ITPR2: variants seen among roughly 807,000 people sequenced by gnomAD.
ITPR2 encodes the protein inositol 1,4,5-trisphosphate-gated calcium channel ITPR2.
ITPR2 carries 207 observed loss-of-function variants against 317.1 expected under a neutral mutation model. The ratio of observed to expected loss-of-function variants is 0.65; its 90% CI spans 0.58 to 0.73. The LOEUF (loss-of-function observed/expected upper bound fraction) is 0.73. Ranked by LOEUF, ITPR2 falls within the 30% of genes least tolerant of loss-of-function variation. The pLI is 0.00. For synonymous variants in ITPR2, 1,156 were observed against 1,149.1 expected (o/e 1.01, Z -0.12); for missense variants, 2,613 against 3,284.0 (o/e 0.80, Z 4.99).
At chr12:26,767,084 C>G (rs1949733988) in intron 2 of ITPR2, among the ~76,000 whole-genome samples, 1 of 152,152 alleles carries the variant, frequency 6.6e-6, no homozygotes, top group Admixed American at 6.5e-5. Flanking sequence ...GTCATTCCTT[C>G]TTTCCTTTGT....
At chr12:26,553,435 T>C (rs1400659078) in intron 36 of ITPR2, among the ~76,000 whole-genome samples, 1 of 152,204 alleles carries the variant, frequency 6.6e-6, no homozygotes, top group African/African-American at 2.4e-5. Context: ...ACTTAGGGCT[T>C]GGCCCTAAAT....
chr12:26,615,550 A>G (rs1463052076), intron 26 of ITPR2, among the ~76,000 whole-genome samples: 1 of 152,212 alleles, frequency 6.6e-6, no homozygotes, highest in Non-Finnish European at 1.5e-5. Context: ...AATAAAGTTT[A>G]ACATGAACTT....
At chr12:26,805,078 T>G (rs1375568852) in intron 1 of ITPR2, among the ~76,000 whole-genome samples, 5 of 152,152 alleles carry the variant, frequency 3.3e-5, no homozygotes, top group Non-Finnish European at 5.9e-5. Flanking sequence ...ACAGTGATCA[T>G]GACCACAAAT....
chr12:26,605,146 A>G (rs1237927926), intron 26 of ITPR2, among the ~76,000 whole-genome samples: 2 of 141,400 alleles, frequency 1.4e-5, no homozygotes, highest in Non-Finnish European at 3.1e-5. Flanking sequence ...TATATATGAG[A>G]AAGTGTTAAA....
chr12:26,656,227 A>G lies in ITPR2; in HGVS notation c.2444+70T>C, dbSNP rs539336149. On this transcript the variant is annotated intron_variant, in intron 19 of 56. Transcript: ENST00000381340. ...ATGCCTTTCCACATGTTTCATTTCAAAACTGTAGACATTTGACGTGGAGTT... is the reference window on the plus strand; with the variant it reads ...ATGCCTTTCCACATGTTTCATTTCAGAACTGTAGACATTTGACGTGGAGTT... 6 of 1,567,968 alleles carry G rather than the reference A, an allele frequency of 3.8e-6. 1 individual carries two copies. The Admixed American group carries it at 1.1e-4, about 28-fold the overall frequency.
chr12:26,683,687 T>G (rs1047397716), intron 11 of ITPR2, among the ~76,000 whole-genome samples: 2 of 152,210 alleles, frequency 1.3e-5, no homozygotes, highest in Non-Finnish European at 2.9e-5. Flanking sequence ...CTAGGAACAA[T>G]GGTTCAGTAT....
chr12:26,650,438 A>C (rs1319374940), intron 21 of ITPR2, among the ~76,000 whole-genome samples: 1 of 152,174 alleles, frequency 6.6e-6, no homozygotes, highest in Non-Finnish European at 1.5e-5. Context: ...AATGTCAACG[A>C]TGAACTTTGG....
At chr12:26,594,415 T>C (rs1189856216) in intron 32 of ITPR2, among the ~76,000 whole-genome samples, 1 of 151,518 alleles carries the variant, frequency 6.6e-6, no homozygotes, top group Non-Finnish European at 1.5e-5. Context: ...TACCTTGTCA[T>C]CCCTCCTTTC....
chr12:26,376,005 C>G (rs962049404), intron 55 of ITPR2, among the ~76,000 whole-genome samples: 1 of 152,260 alleles, frequency 6.6e-6, no homozygotes, highest in African/African-American at 2.4e-5. Flanking sequence ...GGCACTGAGG[C>G]AGGAGGATCA....
At chr12:26,771,378 C>G (rs190037177) in intron 2 of ITPR2, among the ~76,000 whole-genome samples, 1 of 152,178 alleles carries the variant, frequency 6.6e-6, no homozygotes, top group Non-Finnish European at 1.5e-5. Context: ...TTGGAAGCCA[C>G]GTGCTGCGAA....
intron 50 of ITPR2, 24 bp from the exon 51 acceptor site, chr12:26,415,522 ATAAGAAAAG>A (rs775829908): frequency 4.1e-6 from 6 of 1,448,386 alleles, no homozygotes; most frequent in Non-Finnish European, 5.5e-6. Flanking sequence ...GAAAACACTA[ATAAGAAAAG>A]AAGGCATTGG....
intron 48 of ITPR2, among the ~76,000 whole-genome samples, chr12:26,435,286 A>G (rs1382216191): frequency 6.6e-6 from 1 of 152,110 alleles, no homozygotes; most frequent in South Asian, 2.1e-4. Context: ...ATGTAGTACA[A>G]ATATGTACCT....
intron 37 of ITPR2, among the ~76,000 whole-genome samples, chr12:26,538,424 A>G (rs1471399825): frequency 1.3e-5 from 2 of 152,188 alleles, no homozygotes; most frequent in Admixed American, 1.3e-4. Flanking sequence ...TGGCTTGAAA[A>G]ACTGAAATCA....
chr12:26,828,638 T>C lies in ITPR2; in HGVS notation c.92+4052A>G, dbSNP rs566143284. On this transcript the variant is annotated intron_variant, in intron 1 of 56. Transcript: ENST00000381340. ...CCATTATGAAATTAAATGGGATTAT[T>C]TCTCAATAGCTGAAACTTTTTCACC... 2.8e-4 allele frequency among the ~76,000 whole-genome samples: 43 copies of C among 152,360 alleles called. No individual in the cohort carries two copies. The South Asian group carries it at 8.3e-3, about 29-fold the overall frequency.
intron 9 of ITPR2, among the ~76,000 whole-genome samples, chr12:26,708,231 C>T (rs1948591014): frequency 6.6e-6 from 1 of 152,126 alleles, no homozygotes; most frequent in Non-Finnish European, 1.5e-5. Flanking sequence ...TATGATCCGG[C>T]AATCCTACTG....
At chr12:26,377,760 T>C (rs910072169) in intron 55 of ITPR2, among the ~76,000 whole-genome samples, 6 of 152,266 alleles carry the variant, frequency 3.9e-5, no homozygotes, top group Non-Finnish European at 7.3e-5. Context: ...CTAACATTTT[T>C]CTGAGCCTCA....
chr12:26,733,942 A>AT (rs1949072088), intron 2 of ITPR2, among the ~76,000 whole-genome samples: 1 of 152,166 alleles, frequency 6.6e-6, no homozygotes, highest in Admixed American at 6.5e-5. Context: ...AAAGGAAGTG[A>AT]TTTTTTACAT....
At chr12:26,458,890 G>T (rs117717226) in intron 45 of ITPR2, among the ~76,000 whole-genome samples, 1 of 152,120 alleles carries the variant, frequency 6.6e-6, no homozygotes, top group East Asian at 1.9e-4. Flanking sequence ...TGAAGGCCTC[G>T]CCACAGCTCC....
intron 28 of ITPR2, among the ~76,000 whole-genome samples, chr12:26,602,074 T>A (rs534400465): frequency 6.6e-6 from 1 of 152,162 alleles, no homozygotes; most frequent in African/African-American, 2.4e-5. Context: ...CTGAAGTGGA[T>A]CTTTTTTTCA....
Sources: gnomAD v4.1 joint callset for allele counts (sites outside exome capture counted in the v4.1 genomes callset) on GRCh38, gnomAD v4.1.1 for gene constraint, MANE v1.5 for transcripts, NCBI Gene and HGNC (gene_info 2026-07-23, HGNC 2026-07-21) for gene names.